Variants in ZNF469 observed in about 807,000 individuals in gnomAD.
ZNF469 encodes the protein zinc finger protein 469.
ZNF469 carries 1 observed loss-of-function variant against 1.0 expected under a neutral mutation model. That is an observed-to-expected ratio of 1.00 (90% CI 0.35 to 4.73). The LOEUF is 4.73. ZNF469 is among the 30% of genes most tolerant of loss of function. ZNF469 has a pLI of 0.16. For missense variants in ZNF469, 6,100 were observed against 5,356.3 expected (o/e 1.14, Z -4.33); for synonymous variants, 2,703 against 2,363.4 (o/e 1.14, Z -4.17).
chr16:88,383,709 G>C (rs1226163344), intron 1 of ZNF469, among the ~76,000 whole-genome samples: 3 of 151,456 alleles, frequency 2.0e-5, no homozygotes, highest in African/African-American at 7.3e-5. Flanking sequence ...CGCCTCCTCC[G>C]GGCCGCCCGC....
the ZNF469 span, among the ~76,000 whole-genome samples, chr16:88,273,008 G>T: frequency 6.6e-6 from 1 of 150,844 alleles, no homozygotes; most frequent in Admixed American, 6.6e-5. Context: ...GTGGATAGAC[G>T]AGTGGACGGA....
chr16:88,355,681 A>G, the ZNF469 span, among the ~76,000 whole-genome samples: 89,404 of 152,044 alleles, frequency 0.59, 29,215 homozygotes, highest in African/African-American at 0.87. Flanking sequence ...CAGGCACCCT[A>G]ACAGGCCTAT....
In ZNF469 at chr16:88,430,252, TC is replaced by T. The variant is rs1906046898; in HGVS notation, c.2785del (p.Leu929TrpfsTer23). The part of the protein sequence containing the change: ...CPARGRPKTR[S>X]LGLAPTEADA... ...AGCCCGAGGCAGGCCCAAAACGCGTTCCCTGGGTCTGGCCCCCACCGAGGCG... is the reference window on the plus strand; with the variant it reads ...AGCCCGAGGCAGGCCCAAAACGCGTTCCTGGGTCTGGCCCCCACCGAGGCG... On this transcript the variant is annotated frameshift_variant, in exon 3 of 3. Coordinates refer to ENST00000565624, the MANE Select transcript of ZNF469 (RefSeq NM_001367624.2). LOFTEE classifies it low-confidence loss of function (END_TRUNC). 1.3e-6 allele frequency: 2 copies of T among 1,524,652 alleles called. No individual in the cohort carries two copies. The highest frequency in any genetic ancestry group is 2.8e-5 in the African/African-American group (2 of 72,502). The allele number at this position is 1,524,652 out of a possible 1,614,324, so 94.4% of individuals were successfully genotyped here.
the ZNF469 span, among the ~76,000 whole-genome samples, chr16:88,327,070 C>T: frequency 1.3e-5 from 2 of 152,240 alleles, no homozygotes; most frequent in Non-Finnish European, 2.9e-5. Context: ...CTGTCCTCAG[C>T]ATCTGCTGTG....
the ZNF469 span, among the ~76,000 whole-genome samples, chr16:88,110,075 C>G: frequency 4.6e-5 from 7 of 152,234 alleles, no homozygotes; most frequent in Non-Finnish European, 8.8e-5. Context: ...CTTTTTCCCT[C>G]ACTCCTCACA....
At chr16:88,221,382 C>T in the ZNF469 span, among the ~76,000 whole-genome samples, 2 of 152,180 alleles carry the variant, frequency 1.3e-5, no homozygotes, top group Admixed American at 6.5e-5. Flanking sequence ...CGTGCCTGGC[C>T]GCCACACTTC....
chr16:88,357,884 G>C, the ZNF469 span, among the ~76,000 whole-genome samples: 1 of 152,228 alleles, frequency 6.6e-6, no homozygotes, highest in African/African-American at 2.4e-5. Context: ...GGCAGGGCCT[G>C]TTGGGAGGAC....
the ZNF469 span, among the ~76,000 whole-genome samples, chr16:88,184,996 C>T: frequency 1.6e-3 from 245 of 152,076 alleles, 1 homozygote; most frequent in African/African-American, 5.6e-3. Context: ...CACTCACACC[C>T]GTGGGCACAC....
the ZNF469 span, among the ~76,000 whole-genome samples, chr16:88,140,216 CTT>C: frequency 6.6e-6 from 1 of 152,056 alleles, no homozygotes; most frequent in Non-Finnish European, 1.5e-5. Context: ...TAAAAAAAAA[CTT>C]TGGCTATATT....
chr16:88,144,500 G>A, the ZNF469 span, among the ~76,000 whole-genome samples: 1 of 152,212 alleles, frequency 6.6e-6, no homozygotes, highest in Non-Finnish European at 1.5e-5. Context: ...CGTGACACGT[G>A]ACATTTAAAG....
the ZNF469 span, among the ~76,000 whole-genome samples, chr16:88,327,494 G>A: frequency 0.011 from 1,636 of 152,266 alleles, 39 homozygotes; most frequent in East Asian, 0.079. Flanking sequence ...TCTCATCTGC[G>A]GTTCCCAGGG....
chr16:88,133,743 T>G, the ZNF469 span, among the ~76,000 whole-genome samples: 51 of 152,326 alleles, frequency 3.3e-4, no homozygotes, highest in African/African-American at 1.2e-3. Context: ...AAAATTCTTG[T>G]GTTTTGAATA....
chr16:88,296,782 C>G, the ZNF469 span, among the ~76,000 whole-genome samples: 2 of 152,198 alleles, frequency 1.3e-5, no homozygotes, highest in African/African-American at 4.8e-5. Flanking sequence ...CACATGCACA[C>G]ATGCTCTCAC....
In ZNF469 at chr16:88,438,999, G is replaced by A. The variant is rs1567517914; in HGVS notation, c.11529G>A (p.Lys3843=). 2 of 1,550,090 alleles carry A rather than the reference G, an allele frequency of 1.3e-6. No individual in the cohort carries two copies. ...SFGRAPSAPD[K]PPRTPRKQAT... ...GGAGAGCCCCCTCAGCCCCTGACAA[G>A]CCCCCCCGGACCCCTCGGAAGCAGG... The change falls in exon 3 of 3, where the codon AAG becomes AAA. Residue 3843 remains lysine, a synonymous_variant. Coordinates refer to ENST00000565624, the MANE Select transcript of ZNF469 (RefSeq NM_001367624.2).
chr16:88,199,952 C>T, the ZNF469 span, among the ~76,000 whole-genome samples: 3 of 152,208 alleles, frequency 2.0e-5, no homozygotes, highest in Non-Finnish European at 4.4e-5. Flanking sequence ...CAGGCAGGGC[C>T]GAGGACCCCG....
At chr16:88,247,936 C>G in the ZNF469 span, among the ~76,000 whole-genome samples, 4 of 152,286 alleles carry the variant, frequency 2.6e-5, no homozygotes, top group East Asian at 7.7e-4. Context: ...AATTGCTGAC[C>G]CTCGGAACGT....
At chr16:88,279,930 A>G in the ZNF469 span, among the ~76,000 whole-genome samples, 391 of 150,324 alleles carry the variant, frequency 2.6e-3, 4 homozygotes, top group Admixed American at 4.6e-3. Context: ...TACCGTGTAG[A>G]TATCAGTGCA....
the ZNF469 span, among the ~76,000 whole-genome samples, chr16:88,204,031 CAATGGGAGGTG>C: frequency 1.4e-5 from 2 of 143,670 alleles, no homozygotes; most frequent in East Asian, 2.9e-4. Context: ...CCCCATAGAG[CAATGGGAGGTG>C]CCCCGTAACC....
the ZNF469 span, among the ~76,000 whole-genome samples, chr16:88,185,104 C>T: frequency 1.6e-4 from 9 of 57,498 alleles, no homozygotes; most frequent in Non-Finnish European, 1.1e-4. Context: ...GGTACTCACA[C>T]AGGTAGTCAC....
Sources: gnomAD v4.1 joint callset for allele counts (sites outside exome capture counted in the v4.1 genomes callset) on GRCh38, gnomAD v4.1.1 for gene constraint, MANE v1.5 for transcripts, NCBI Gene and HGNC (gene_info 2026-07-23, HGNC 2026-07-21) for gene names.